XRCC5: variants seen among roughly 807,000 people sequenced by gnomAD.
XRCC5 encodes the protein X-ray repair cross complementing 5.
Under a neutral mutation model 95.7 loss-of-function variants are expected in XRCC5, and 12 were observed. The observed-to-expected ratio is 0.13, with a 90% confidence interval of 0.08 to 0.20. The LOEUF (loss-of-function observed/expected upper bound fraction) is 0.20. Ranked by LOEUF, XRCC5 falls within the 10% of genes least tolerant of loss-of-function variation. XRCC5 has a pLI of 1.00. For missense variants in XRCC5, 595 were observed against 873.9 expected, an observed-to-expected ratio of 0.68 and a Z score of 4.02; for synonymous variants, 281 against 290.3, an observed-to-expected ratio of 0.97 and a Z score of 0.33.
chr2:216,202,585 A>G (rs1334172623), intron 19 of XRCC5, among the ~76,000 whole-genome samples: 1 of 152,194 alleles, frequency 6.6e-6, no homozygotes, highest in African/African-American at 2.4e-5. Flanking sequence ...GTCTGCCTCC[A>G]TTGCTGGGAT....
intron 16 of XRCC5, among the ~76,000 whole-genome samples, chr2:216,183,146 T>C (rs1689419472): frequency 6.6e-6 from 1 of 152,236 alleles, no homozygotes; most frequent in Non-Finnish European, 1.5e-5. Context: ...CAGAGTGAAC[T>C]AAGGCCAAGA....
chr2:216,117,570 T>C (rs192175717), intron 3 of XRCC5, 176 bp from the exon 4 acceptor site: 5 of 562,112 alleles, frequency 8.9e-6, no homozygotes, highest in African/African-American at 7.4e-5. Context: ...TAGTTTGATA[T>C]ATAGAATGTA....
chr2:216,191,575 T>C (rs1319842854), intron 17 of XRCC5, among the ~76,000 whole-genome samples: 1 of 152,026 alleles, frequency 6.6e-6, no homozygotes. Context: ...CACGCCCAGC[T>C]AATTTTTGTA....
rs1450407286 is a variant in XRCC5 at position 216,117,747 on chromosome 2, C to A, written c.321C>A (p.Phe107Leu). Residue 107 changes from phenylalanine (F) to leucine (L), a missense_variant and splice_region_variant, in exon 4 of 21, where the codon TTC (phenylalanine) becomes TTA (leucine). By Grantham distance (22) the Phe-to-Leu change is conservative (BLOSUM62 0). This residue lies in a region of XRCC5 where 286 missense variants were observed against 491.1 expected (regional missense o/e 0.58). Transcript: ENST00000392132. The part of the protein sequence containing the change: ...KIQPGSQQAD[F>L]LDALIVSMDV... The stretch of plus-strand genomic sequence containing the variant: ...TATCCCTATCCTTAACTAGCTGAGT[C>A]CTGGATGCACTAATCGTGAGCATGG... The A allele has an allele frequency of 6.2e-7, 1 of 1,614,010 alleles. No homozygotes were observed. Among genetic ancestry groups the A allele is most frequent in the East Asian group, 2.2e-5 (1 of 44,872 alleles).
intron 19 of XRCC5, 160 bp from the exon 20 acceptor site, chr2:216,204,162 G>A (rs1689897325): frequency 1.3e-6 from 1 of 762,456 alleles, no homozygotes; most frequent in Non-Finnish European, 2.2e-6. Flanking sequence ...AAAGCCAAAT[G>A]AAGTAGCGTA....
chr2:216,180,845 T>G (rs1259069862), intron 16 of XRCC5, among the ~76,000 whole-genome samples: 1 of 150,840 alleles, frequency 6.6e-6, no homozygotes, highest in East Asian at 2.0e-4. Flanking sequence ...GGAGTTTCGC[T>G]GTCGTTGCCC....
At position 216,148,243 on chromosome 2, in the gene XRCC5, A is replaced by G; in HGVS notation, c.1637A>G (p.Asp546Gly). The G allele has an allele frequency of 6.2e-7, 1 of 1,611,722 alleles. No individual in the cohort carries two copies. The change falls in exon 14 of 21, where the codon GAT becomes GGT. Residue 546 changes from aspartate to glycine, a missense_variant. By Grantham distance (94) the Asp-to-Gly change is moderately conservative. Around this residue, in one of 2 missense-constraint regions of XRCC5, gnomAD observed 309 missense variants for 382.9 expected, o/e 0.81. Transcript: ENST00000392132. ...LFPLIEAKKK[D>G]QVTAQEIFQD... The stretch of plus-strand genomic sequence containing the variant: ...CCTCTGATTGAAGCCAAGAAAAAGG[A>G]TCAAGTGACTGCTCAGGAAATTTTC...
chr2:216,135,439 A>G (rs1324922577), intron 10 of XRCC5, among the ~76,000 whole-genome samples: 1 of 152,168 alleles, frequency 6.6e-6, no homozygotes, highest in Non-Finnish European at 1.5e-5. Flanking sequence ...GAGTGACGTG[A>G]TGAGCTCTGG....
rs747019150 is a variant in XRCC5, at chr2:216,127,640, T to A, written c.903T>A (p.Asp301Glu). The change falls in exon 8 of 21, where the codon GAT becomes GAA. Residue 301 changes from aspartate (D) to glutamate (E), a missense_variant. Around this residue, in one of 2 missense-constraint regions of XRCC5, gnomAD observed 286 missense variants for 491.1 expected, o/e 0.58. Coordinates refer to ENST00000392132, the MANE Select transcript of XRCC5 (RefSeq NM_021141.4). ...KETVYCLNDDDETEVLKEDII... is the reference protein window; with the variant it reads ...KETVYCLNDDEETEVLKEDII... ...CAGTTTATTGCTTAAATGATGATGA[T>A]GAAACTGAAGTTTTAAAAGAGGATA... The A allele has an allele frequency of 1.8e-5, 29 of 1,608,382 alleles. No homozygotes were observed. The South Asian group carries it at 3.1e-4, about 17-fold the overall frequency.
intron 10 of XRCC5, among the ~76,000 whole-genome samples, chr2:216,133,039 G>A (rs549533341): frequency 6.6e-6 from 1 of 152,260 alleles, no homozygotes; most frequent in African/African-American, 2.4e-5. Context: ...GATGTAGAAG[G>A]CTTGTTTGGG....
At chr2:216,174,864 G>T in intron 16 of XRCC5, 1 of 287,916 alleles carries the variant, frequency 3.5e-6, no homozygotes, top group African/African-American at 2.2e-5. Flanking sequence ...TCTTTCTCCT[G>T]CTAAGAATTG....
At chr2:216,141,497 G>C (rs1189923352) in intron 13 of XRCC5, among the ~76,000 whole-genome samples, 178 bp downstream of exon 13, 1 of 141,854 alleles carries the variant, frequency 7.0e-6, no homozygotes, top group Non-Finnish European at 1.5e-5. Context: ...AATATTCTGA[G>C]CTCTTAAAAA....
At chr2:216,139,871 C>A (rs1371475983) in intron 12 of XRCC5, among the ~76,000 whole-genome samples, 1 of 152,206 alleles carries the variant, frequency 6.6e-6, no homozygotes, top group Admixed American at 6.5e-5. Context: ...CACTCAGGAT[C>A]TGAAACATTA....
intron 16 of XRCC5, among the ~76,000 whole-genome samples, chr2:216,166,947 T>A (rs1206593861): frequency 2.0e-5 from 3 of 152,176 alleles, no homozygotes; most frequent in African/African-American, 7.2e-5. Flanking sequence ...CTTAACTTTA[T>A]AATGAGACGA....
rs201760459 is a variant in XRCC5 at position 216,185,681 on chromosome 2, C to CTT, written c.1835-4533_1835-4532dup. ...AAATTTGTTTTTTTCTTTTCTTTTT[C>CTT]TTTTTTTTTTTTGAGATGGAATCTC... On this transcript the variant is annotated intron_variant, in intron 16 of 20. Coordinates refer to ENST00000392132, the MANE Select transcript of XRCC5 (RefSeq NM_021141.4). Among the ~76,000 whole-genome samples, 763 of 142,978 alleles carry CTT rather than the reference C, an allele frequency of 5.3e-3. 10 individuals carry two copies. The highest frequency in any genetic ancestry group is 0.018 in the African/African-American group (696 of 39,190). 93.8% of individuals were successfully genotyped at this position (142,978 alleles called of 152,430 possible). A position where few individuals can be genotyped will look rare whatever the true frequency, so the allele number is the denominator to read the frequency against.
intron 16 of XRCC5, among the ~76,000 whole-genome samples, chr2:216,187,857 T>TCTCTCTCTCTCTCTC (rs1239439771): frequency 8.5e-6 from 1 of 117,226 alleles, no homozygotes; most frequent in Non-Finnish European, 1.7e-5. Flanking sequence ...TCTCTCTCTC[T>TCTCTCTCTCTCTCTC]CTCTCCCCGT....
chr2:216,134,964 C>G (rs1391400256), intron 10 of XRCC5, among the ~76,000 whole-genome samples: 1 of 152,126 alleles, frequency 6.6e-6, no homozygotes, highest in Non-Finnish European at 1.5e-5. Flanking sequence ...TGTTTTTTCA[C>G]AGGGCTCAAG....
chr2:216,170,846 T>C (rs751523136), intron 16 of XRCC5, among the ~76,000 whole-genome samples: 4 of 152,248 alleles, frequency 2.6e-5, no homozygotes, highest in Admixed American at 2.0e-4. Context: ...GATTTACTCA[T>C]GGCAATTTGG....
chr2:216,159,347 T>G (rs1398112139), intron 14 of XRCC5, among the ~76,000 whole-genome samples: 1 of 152,104 alleles, frequency 6.6e-6, no homozygotes, highest in African/African-American at 2.4e-5. Flanking sequence ...CCTCTTGACT[T>G]TAAGACAGGC....
Sources: allele counts gnomAD v4.1 joint callset (sites outside exome capture counted in the v4.1 genomes callset), GRCh38; gene constraint gnomAD v4.1.1; regional missense constraint gnomAD v4.1.1; transcripts MANE v1.5; gene names NCBI Gene and HGNC (gene_info 2026-07-23, HGNC 2026-07-21).